DPYS: variants seen among roughly 807,000 people sequenced by gnomAD.
DPYS encodes dihydropyrimidine amidohydrolase.
A neutral mutation model predicts 50.3 loss-of-function variants in DPYS; 39 were observed. The ratio of observed to expected loss-of-function variants is 0.78; its 90% CI spans 0.60 to 1.01. The LOEUF is 1.01. Among genes scored for constraint, DPYS ranks in the 50% least tolerant of loss-of-function variants. The pLI is 0.00. For synonymous variants in DPYS, 245 were observed against 250.7 expected, an observed-to-expected ratio of 0.98 and a Z score of 0.22; for missense variants, 659 against 680.9, an observed-to-expected ratio of 0.97 and a Z score of 0.36.
chr8:104,413,564 CAA>C (rs368599275), intron 7 of DPYS, among the ~76,000 whole-genome samples: 13 of 151,958 alleles, frequency 8.6e-5, no homozygotes, highest in African/African-American at 2.9e-4. Context: ...ACTGTCTACT[CAA>C]AGAGACTTAA....
chr8:104,409,355 C>A (rs1363428043), intron 7 of DPYS, among the ~76,000 whole-genome samples: 1 of 151,856 alleles, frequency 6.6e-6, no homozygotes, highest in Non-Finnish European at 1.5e-5. Context: ...CGTGGTGGTG[C>A]ACGCCTGTAA....
chr8:104,455,494 T>G (rs564493860), intron 1 of DPYS, among the ~76,000 whole-genome samples: 1 of 152,192 alleles, frequency 6.6e-6, no homozygotes, highest in South Asian at 2.1e-4. Flanking sequence ...AGGAGCATGA[T>G]CTGCACTTAG....
At chr8:104,384,542 T>C (rs1811152614) in intron 8 of DPYS, among the ~76,000 whole-genome samples, 1 of 152,226 alleles carries the variant, frequency 6.6e-6, no homozygotes, top group Non-Finnish European at 1.5e-5. Flanking sequence ...GCAATCCTTG[T>C]CTTATTCCTT....
At chr8:104,383,548 C>T (rs148512352) in intron 8 of DPYS, among the ~76,000 whole-genome samples, 1,614 of 151,400 alleles carry the variant, frequency 0.011, 24 homozygotes, top group African/African-American at 0.036. Flanking sequence ...GGGCTGACTC[C>T]GTTTCTGTCA....
chr8:104,392,711 A>G lies in DPYS; in HGVS notation c.1443+73T>C, dbSNP rs976096427. On this transcript the variant is annotated intron_variant, in intron 8 of 9. Coordinates refer to ENST00000351513, the MANE Select transcript of DPYS (RefSeq NM_001385.3). ...TGATGTGTCAACACCACTACTACCA[A>G]CAATAACCAGCCAGACATCCAGAAG... is the stretch of plus-strand genomic sequence containing the variant. 4 of 1,585,780 alleles carry G rather than the reference A, an allele frequency of 2.5e-6. No individual in the cohort carries two copies. The East Asian group carries it at 6.7e-5, about 27-fold the overall frequency.
At chr8:104,385,585 A>G (rs563170419) in intron 8 of DPYS, among the ~76,000 whole-genome samples, 2 of 152,282 alleles carry the variant, frequency 1.3e-5, no homozygotes, top group Non-Finnish European at 1.5e-5. Flanking sequence ...AAACCACATG[A>G]GAGGCTGTTG....
intron 7 of DPYS, among the ~76,000 whole-genome samples, chr8:104,397,786 T>C (rs1384036479): frequency 6.6e-6 from 1 of 152,198 alleles, no homozygotes; most frequent in Non-Finnish European, 1.5e-5. Flanking sequence ...AGTTTAATAT[T>C]GAATGAACTT....
chr8:104,389,791 C>T (rs184199702), intron 8 of DPYS, among the ~76,000 whole-genome samples: 71 of 152,170 alleles, frequency 4.7e-4, no homozygotes, highest in Admixed American at 2.6e-3. Context: ...CAAAACAGCA[C>T]ATGATAACTA....
chr8:104,451,413 A>T lies in DPYS; in HGVS notation c.265-9T>A. 3.1e-6 allele frequency: 5 copies of T among 1,614,082 alleles called. No individual in the cohort carries two copies. The highest frequency in any genetic ancestry group is 4.2e-6 in the Non-Finnish European group (5 of 1,179,986). On this transcript the variant is annotated splice_polypyrimidine_tract_variant and intron_variant, in intron 1 of 9. Coordinates refer to ENST00000351513, the MANE Select transcript of DPYS (RefSeq NM_001385.3). ...CCTCCTGAGAGAGCAGCCTGGAATC[A>T]TAAGAGGTTTTCAACAAATTAGCTA...
chr8:104,412,236 C>A (rs1196174943), intron 7 of DPYS, among the ~76,000 whole-genome samples: 1 of 152,170 alleles, frequency 6.6e-6, no homozygotes, highest in Non-Finnish European at 1.5e-5. Context: ...ACGCTCCTGC[C>A]AAGTGCACAC....
Position 104,416,555 on chromosome 8 carries a change from C to T in DPYS, c.1235+7692G>A, listed in dbSNP as rs181505982. ...TTGTGGGTGTGGGGAGTGGCGGGCG[C>T]GTTAGTGACAGACACTCTTAGAAAC... On this transcript the variant is annotated intron_variant, in intron 7 of 9. Transcript: ENST00000351513. Among the ~76,000 whole-genome samples the T allele has an allele frequency of 6.5e-3, 987 of 152,076 alleles. 7 individuals carry two copies. The highest frequency in any genetic ancestry group is 7.0e-3 in the Non-Finnish European group (473 of 67,990).
At chr8:104,465,560 T>A (rs551024163) in intron 1 of DPYS, among the ~76,000 whole-genome samples, 1 of 152,344 alleles carries the variant, frequency 6.6e-6, no homozygotes, top group African/African-American at 2.4e-5. Flanking sequence ...AAAGCTGCTC[T>A]GTTAGTCTCT....
rs1564109071 is a variant in DPYS, at chr8:104,447,385, C to CGA, written c.540_541dup (p.Arg181LeufsTer19). The CGA allele has an allele frequency of 6.2e-7, 1 of 1,613,996 alleles. No homozygotes were observed. The highest frequency in any genetic ancestry group is 2.2e-5 in the East Asian group (1 of 44,874). The stretch of plus-strand genomic sequence containing the variant: ...GGCAATTGCTCCAATTTCCTTGCAC[C>CGA]GAGAGAAGGCTTCGTACAGCTCCAG... On this transcript the variant is annotated frameshift_variant, in exon 3 of 10. Coordinates refer to ENST00000351513, the MANE Select transcript of DPYS (RefSeq NM_001385.3). LOFTEE classifies it high-confidence loss of function.
chr8:104,409,282 C>T lies in DPYS; in HGVS notation c.1235+14965G>A, dbSNP rs183244966. On this transcript the variant is annotated intron_variant, in intron 7 of 9. Transcript: ENST00000351513. ...GGCGGATCACTTGAGGTCAGGAGTT[C>T]AAGACCAGCCTGGCCAACATAGTGA... is the stretch of plus-strand genomic sequence containing the variant. Among the ~76,000 whole-genome samples the T allele has an allele frequency of 3.9e-3, 595 of 151,602 alleles. 4 individuals carry two copies. Among genetic ancestry groups the T allele is most frequent in the African/African-American group, 0.013 (549 of 41,358 alleles).
intron 4 of DPYS, among the ~76,000 whole-genome samples, chr8:104,433,577 T>C (rs1324688505): frequency 1.3e-5 from 2 of 151,994 alleles, no homozygotes; most frequent in African/African-American, 2.4e-5. Context: ...GAGGGTGCAG[T>C]GAGCCAAGGT....
chr8:104,444,286 T>G lies in DPYS; in HGVS notation c.755A>C (p.Lys252Thr). ...CPLYIVHVMSKSAAKVIADAR... is the reference protein window; with the variant it reads ...CPLYIVHVMSTSAAKVIADAR... ...ATCCGCTATCACCTTAGCTGCAGAC[T>G]TGCTCATCACATGCACAATGTAGAG... is the stretch of plus-strand genomic sequence containing the variant. Residue 252 changes from lysine to threonine, a missense_variant, in exon 4 of 10, where the codon AAG (lysine) becomes ACG (threonine). Lys to Thr is a moderately conservative substitution (Grantham distance 78, BLOSUM62 -1). Transcript: ENST00000351513. 1 of 1,614,230 alleles carries G rather than the reference T, an allele frequency of 6.2e-7. No homozygotes were observed. Among genetic ancestry groups the G allele is most frequent in the Non-Finnish European group, 8.5e-7 (1 of 1,180,042 alleles).
intron 1 of DPYS, among the ~76,000 whole-genome samples, chr8:104,454,802 C>T (rs1271572465): frequency 6.6e-6 from 1 of 152,114 alleles, no homozygotes; most frequent in African/African-American, 2.4e-5. Flanking sequence ...AGAGAAAGAT[C>T]AACTCAGAGA....
At chr8:104,442,843 C>T (rs1038580007) in intron 4 of DPYS, among the ~76,000 whole-genome samples, 8 of 152,180 alleles carry the variant, frequency 5.3e-5, no homozygotes, top group African/African-American at 1.4e-4. Context: ...GAGAGGATGG[C>T]TTGAGCCCAG....
chr8:104,428,735 T>C (rs1334706436), intron 5 of DPYS, among the ~76,000 whole-genome samples: 2 of 152,182 alleles, frequency 1.3e-5, no homozygotes, highest in Admixed American at 6.5e-5. Context: ...GTAAGTGAAC[T>C]CTTGTACGGT....
Sources: gnomAD v4.1 joint callset for allele counts (sites outside exome capture counted in the v4.1 genomes callset) on GRCh38, gnomAD v4.1.1 for gene constraint, MANE v1.5 for transcripts, NCBI Gene and HGNC (gene_info 2026-07-23, HGNC 2026-07-21) for gene names.